SMYD3: variants seen among roughly 807,000 people sequenced by gnomAD.
The protein encoded by SMYD3 is histone-lysine N-methyltransferase SMYD3.
Under a neutral mutation model 57.7 loss-of-function variants are expected in SMYD3, and 36 were observed. That is an observed-to-expected ratio of 0.62 (90% CI 0.48 to 0.82). The LOEUF is 0.82. Ranked by LOEUF, SMYD3 falls within the 40% of genes least tolerant of loss-of-function variation. SMYD3 has a pLI of 0.00. For synonymous variants in SMYD3, 211 were observed against 195.0 expected (o/e 1.08, Z -0.68); for missense variants, 515 against 538.8 (o/e 0.96, Z 0.44).
chr1:245,827,292 C>G (rs2049556735), intron 10 of SMYD3, among the ~76,000 whole-genome samples: 1 of 152,130 alleles, frequency 6.6e-6, no homozygotes, highest in Non-Finnish European at 1.5e-5. Context: ...TTCCAGTGAG[C>G]CTTAGAGATG....
At chr1:246,035,354 G>A (rs760347408) in intron 5 of SMYD3, 3 of 152,128 alleles carry the variant, frequency 2.0e-5, no homozygotes, top group Admixed American at 6.5e-5. Flanking sequence ...GTTCCCTGTA[G>A]TTGAAATAAA....
chr1:246,007,920 A>G (rs1185800920), intron 5 of SMYD3, among the ~76,000 whole-genome samples: 1 of 152,200 alleles, frequency 6.6e-6, no homozygotes, highest in Non-Finnish European at 1.5e-5. Context: ...CTAAACTGAA[A>G]TATTTAAAAA....
At chr1:246,150,984 A>T (rs1262244175) in intron 5 of SMYD3, among the ~76,000 whole-genome samples, 1 of 152,116 alleles carries the variant, frequency 6.6e-6, no homozygotes, top group Non-Finnish European at 1.5e-5. Flanking sequence ...GCAGTGGCTC[A>T]CGCCTGTAAT....
rs12032060 is a variant in SMYD3 at position 246,071,825 on chromosome 1, T to C, written c.532-141888A>G. ...TTCGTGTGCTTTCCACTGTGCTCAC[T>C]GTGGATGCTTCCTGTTAGTTCTGGG... is the stretch of plus-strand genomic sequence containing the variant. On this transcript the variant is annotated intron_variant, in intron 5 of 11. Transcript: ENST00000490107. Among the ~76,000 whole-genome samples, 688 of 143,132 alleles carry C rather than the reference T, an allele frequency of 4.8e-3. No homozygotes were observed. The East Asian group carries it at 0.065, about 13-fold the overall frequency. The allele number at this position is 143,132 out of a possible 152,430, so 93.9% of individuals were successfully genotyped here.
At chr1:246,208,621 G>A (rs992082338) in intron 5 of SMYD3, among the ~76,000 whole-genome samples, 1 of 152,104 alleles carries the variant, frequency 6.6e-6, no homozygotes. Context: ...TTGTACCAAG[G>A]GAAAAACATA....
intron 5 of SMYD3, among the ~76,000 whole-genome samples, chr1:245,934,866 C>T (rs12131449): frequency 0.58 from 88,677 of 152,084 alleles, 29,714 homozygotes; most frequent in Non-Finnish European, 0.77. Flanking sequence ...TGTAAGGTTG[C>T]GGGGACAAAG....
At position 245,890,797 on chromosome 1, in the gene SMYD3, A is replaced by G. The variant is rs1308385959; in HGVS notation, c.813+24733T>C. 3.9e-5 allele frequency among the ~76,000 whole-genome samples: 6 copies of G among 152,360 alleles called. 1 individual carries two copies. The highest frequency in any genetic ancestry group is 1.4e-4 in the African/African-American group (6 of 41,576). On this transcript the variant is annotated intron_variant, in intron 8 of 11. Transcript: ENST00000490107. ...CATGTTTATTGCACTACTATTCACA[A>G]TAGCTAAGCTTTGGAAGCAACCTGA... is the stretch of plus-strand genomic sequence containing the variant.
intron 2 of SMYD3, among the ~76,000 whole-genome samples, chr1:246,348,427 T>A (rs10924701): frequency 0.048 from 7,210 of 151,150 alleles, 451 homozygotes; most frequent in African/African-American, 0.15. Context: ...GAAAAAAAAA[T>A]ATATATATAT....
At chr1:246,233,981 A>C (rs1203645126) in intron 5 of SMYD3, among the ~76,000 whole-genome samples, 1 of 139,064 alleles carries the variant, frequency 7.2e-6, no homozygotes, top group Non-Finnish European at 1.5e-5. Flanking sequence ...CACTCCTTCA[A>C]TTCACACTGT....
intron 5 of SMYD3, among the ~76,000 whole-genome samples, chr1:246,125,075 A>ACACACAC (rs1558250596): frequency 2.7e-5 from 2 of 73,664 alleles, no homozygotes; most frequent in Admixed American, 2.0e-4. Context: ...CCGTCTCAAA[A>ACACACAC]AAAAAAAAAA....
chr1:246,361,907 G>C (rs532183463), intron 1 of SMYD3, among the ~76,000 whole-genome samples: 1 of 151,998 alleles, frequency 6.6e-6, no homozygotes, highest in Non-Finnish European at 1.5e-5. Flanking sequence ...GCTTATTCAT[G>C]CAACCAAACA....
At chr1:245,757,982 T>TA (rs2045681119) in intron 11 of SMYD3, among the ~76,000 whole-genome samples, 1 of 152,194 alleles carries the variant, frequency 6.6e-6, no homozygotes, top group Admixed American at 6.5e-5. Flanking sequence ...GGGATTTTGA[T>TA]AGAGATTGCA....
chr1:246,092,163 A>C (rs2060834398), intron 5 of SMYD3, among the ~76,000 whole-genome samples: 1 of 152,218 alleles, frequency 6.6e-6, no homozygotes, highest in Admixed American at 6.5e-5. Flanking sequence ...CTGATTAATT[A>C]TAAGGCATAA....
chr1:246,234,705 C>T (rs2063487272), intron 5 of SMYD3, among the ~76,000 whole-genome samples: 1 of 150,080 alleles, frequency 6.7e-6, no homozygotes. Context: ...ATTTAACTTG[C>T]AAGAAAGGCT....
chr1:245,891,810 A>G (rs1161664517), intron 8 of SMYD3, among the ~76,000 whole-genome samples: 1 of 152,204 alleles, frequency 6.6e-6, no homozygotes, highest in Non-Finnish European at 1.5e-5. Context: ...TGGGAGGCAG[A>G]GGCAGGAGGA....
intron 1 of SMYD3, among the ~76,000 whole-genome samples, chr1:246,471,831 C>T (rs1405691655): frequency 6.6e-6 from 1 of 152,036 alleles, no homozygotes; most frequent in African/African-American, 2.4e-5. Flanking sequence ...GTTAACTAGG[C>T]TAAAAACTAT....
At chr1:246,384,473 G>A (rs1218709835) in intron 1 of SMYD3, among the ~76,000 whole-genome samples, 3 of 151,730 alleles carry the variant, frequency 2.0e-5, no homozygotes. Context: ...TCGGCTCACT[G>A]CAACCTCCGC....
At chr1:246,234,720 A>C (rs1433194191) in intron 5 of SMYD3, among the ~76,000 whole-genome samples, 1 of 152,250 alleles carries the variant, frequency 6.6e-6, no homozygotes, top group Non-Finnish European at 1.5e-5. Flanking sequence ...AAGGCTAAAC[A>C]CCTAGCATAA....
intron 1 of SMYD3, among the ~76,000 whole-genome samples, chr1:246,405,869 C>T (rs10924723): frequency 0.42 from 60,418 of 143,698 alleles, 13,806 homozygotes; most frequent in Admixed American, 0.55. Context: ...CAGATGGCGC[C>T]ACTGCACTCC....
Sources: allele counts gnomAD v4.1 joint callset (sites outside exome capture counted in the v4.1 genomes callset), GRCh38; gene constraint gnomAD v4.1.1; transcripts MANE v1.5; gene names NCBI Gene and HGNC (gene_info 2026-07-23, HGNC 2026-07-21).